PUDP: variants seen among roughly 807,000 people sequenced by gnomAD.
PUDP encodes pseudouridine 5'-phosphatase, also known as pseudouridine-5'-phosphatase.
Under a neutral mutation model 9.4 loss-of-function variants are expected in PUDP, and 8 were observed. The ratio of observed to expected loss-of-function variants is 0.85; its 90% CI spans 0.50 to 1.53. The LOEUF is 1.53. Among genes scored for constraint, PUDP ranks in the 40% most tolerant of loss-of-function variants. PUDP has a pLI of 0.00. For synonymous variants in PUDP, 99 were observed against 80.7 expected (o/e 1.23, Z -1.22); for missense variants, 188 against 189.7 (o/e 0.99, Z 0.05).
intron 2 of PUDP, among the ~76,000 whole-genome samples, chrX:7,079,626 C>T (rs972699720): frequency 4.4e-5 from 5 of 112,381 alleles, no homozygotes; most frequent in Non-Finnish European, 7.5e-5. Context: ...CCTTATCTAA[C>T]GATGGTAGAA....
At chrX:6,883,521 CAAA>C (rs753618830) in intron 3 of PUDP, among the ~76,000 whole-genome samples, 4 of 41,418 alleles carry the variant, frequency 9.7e-5, no homozygotes, top group Non-Finnish European at 1.4e-4. Flanking sequence ...GACCTTGTCT[CAAA>C]AAAAAAAAAA....
intron 1 of PUDP, among the ~76,000 whole-genome samples, chrX:7,003,517 C>T (rs1330617857): frequency 1.8e-5 from 2 of 112,236 alleles, no homozygotes; most frequent in Non-Finnish European, 3.8e-5. Flanking sequence ...ATATATGTGC[C>T]TATTTGATCA....
chrX:7,066,329 C>G, intron 3 of PUDP, among the ~76,000 whole-genome samples: 1 of 111,167 alleles, frequency 9.0e-6, no homozygotes, highest in Middle Eastern at 4.6e-3. Flanking sequence ...GAGTGACAGT[C>G]CAGAAATAAA....
At chrX:7,103,901 G>C (rs1233064458) in intron 2 of PUDP, among the ~76,000 whole-genome samples, 4 of 112,202 alleles carry the variant, frequency 3.6e-5, no homozygotes, top group African/African-American at 1.3e-4. Flanking sequence ...GAAATGGCAA[G>C]AGTTGATGAG....
intron 1 of PUDP, among the ~76,000 whole-genome samples, chrX:7,027,828 A>G (rs1404846096): frequency 4.0e-5 from 2 of 50,479 alleles, no homozygotes; most frequent in East Asian, 1.2e-3. Flanking sequence ...ACTATAGAAT[A>G]TACTATATTC....
At chrX:6,772,286 C>T (rs753436659) in intron 3 of PUDP, among the ~76,000 whole-genome samples, 1 of 111,236 alleles carries the variant, frequency 9.0e-6, no homozygotes, top group Non-Finnish European at 1.9e-5. Context: ...TCCTATATTA[C>T]AATGAAATAA....
At chrX:6,890,709 A>G (rs1166192816) in intron 3 of PUDP, among the ~76,000 whole-genome samples, 1 of 109,956 alleles carries the variant, frequency 9.1e-6, no homozygotes, top group Non-Finnish European at 1.9e-5. Context: ...GCGAAAATAC[A>G]TGTTAGAGAC....
chrX:6,825,448 G>A (rs1926410271), intron 3 of PUDP, among the ~76,000 whole-genome samples: 1 of 111,680 alleles, frequency 9.0e-6, no homozygotes, highest in Non-Finnish European at 1.9e-5. Flanking sequence ...TGTGCTAGAT[G>A]TAGTGAAAAG....
At chrX:6,891,885 G>A (rs776340019) in intron 3 of PUDP, among the ~76,000 whole-genome samples, 16 of 111,522 alleles carry the variant, frequency 1.4e-4, no homozygotes, top group Non-Finnish European at 3.0e-4. Context: ...TAAACTAACC[G>A]AGTCAACTTT....
chrX:6,904,076 C>T (rs934999148), intron 3 of PUDP, among the ~76,000 whole-genome samples: 6 of 108,270 alleles, frequency 5.5e-5, no homozygotes, highest in Admixed American at 1.0e-4. Context: ...CTCAGCCTCC[C>T]GAGTAGCTGG....
At chrX:7,139,116 T>C (rs1413443405) in intron 1 of PUDP, among the ~76,000 whole-genome samples, 10 of 112,173 alleles carry the variant, frequency 8.9e-5, no homozygotes, top group African/African-American at 3.2e-4. Flanking sequence ...TTATTGTGTA[T>C]ATCATTAGCA....
At chrX:7,081,876 T>C (rs189260817) in intron 2 of PUDP, among the ~76,000 whole-genome samples, 1 of 112,998 alleles carries the variant, frequency 8.8e-6, no homozygotes, top group Non-Finnish European at 1.9e-5. Flanking sequence ...TCATCAGATA[T>C]AGCTCCAGTG....
chrX:7,051,689 C>T (rs1338816974), intron 3 of PUDP, among the ~76,000 whole-genome samples: 2 of 112,362 alleles, frequency 1.8e-5, no homozygotes, highest in African/African-American at 3.2e-5. Context: ...CCAAAGGAGA[C>T]ACCCCAGAGC....
At chrX:7,068,798 C>T (rs1251615321) in intron 3 of PUDP, among the ~76,000 whole-genome samples, 1 of 111,819 alleles carries the variant, frequency 8.9e-6, no homozygotes, top group African/African-American at 3.3e-5. Context: ...GATTCATGAG[C>T]CTGGGGCTCA....
At chrX:6,865,124 T>C (rs1466267114) in intron 3 of PUDP, among the ~76,000 whole-genome samples, 3 of 111,935 alleles carry the variant, frequency 2.7e-5, no homozygotes, top group Non-Finnish European at 5.6e-5. Flanking sequence ...ATGTATATTT[T>C]AATTTATTGA....
At chrX:6,709,394 C>T (rs1309115659) in intron 1 of PUDP, among the ~76,000 whole-genome samples, 3 of 111,884 alleles carry the variant, frequency 2.7e-5, no homozygotes, top group Non-Finnish European at 1.9e-5. Context: ...TGTCCTTCCA[C>T]TCCACTCCCC....
intron 3 of PUDP, among the ~76,000 whole-genome samples, chrX:6,971,508 A>C (rs1477936271): frequency 9.6e-6 from 1 of 104,116 alleles, no homozygotes; most frequent in African/African-American, 3.5e-5. Context: ...GCTCCGCCTC[A>C]CTGGTTCATG....
At chrX:6,877,081 C>A (rs367899969) in intron 3 of PUDP, among the ~76,000 whole-genome samples, 3 of 109,788 alleles carry the variant, frequency 2.7e-5, no homozygotes, top group African/African-American at 6.6e-5. Context: ...GTGATCCTCC[C>A]GAGTAGCTGG....
At chrX:7,034,014 G>A (rs1929823288) in intron 1 of PUDP, among the ~76,000 whole-genome samples, 1 of 112,294 alleles carries the variant, frequency 8.9e-6, no homozygotes, top group Admixed American at 9.4e-5. Context: ...CCTAAGCGAT[G>A]ACAGATAGGA....
Sources: allele counts gnomAD v4.1 joint callset (sites outside exome capture counted in the v4.1 genomes callset), GRCh38; gene constraint gnomAD v4.1.1; transcripts MANE v1.5; gene names NCBI Gene and HGNC (gene_info 2026-07-23, HGNC 2026-07-21).